ZNF837: variants seen among roughly 807,000 people sequenced by gnomAD.
ZNF837 encodes zinc finger protein 837.
For synonymous variants in ZNF837, 475 were observed against 365.2 expected (o/e 1.30, Z -3.43); for missense variants, 955 against 801.7 (o/e 1.19, Z -2.31).
Position 58,369,202 on chromosome 19 carries a change from G to A in ZNF837, c.131C>T (p.Pro44Leu). The A allele has an allele frequency of 6.9e-7, 1 of 1,447,332 alleles. No individual in the cohort carries two copies. Among genetic ancestry groups the A allele is most frequent in the Middle Eastern group, 1.9e-4 (1 of 5,164 alleles). The allele number at this position is 1,447,332 out of a possible 1,614,324, so 89.7% of individuals were successfully genotyped here. The change falls in exon 3 of 3, where the codon CCC (proline) becomes CTC (leucine). Residue 44 changes from proline (P) to leucine (L), a missense_variant. Transcript: ENST00000597582. Reference sequence around the variant, plus strand: ...TCCACGCAGGTCCCCCTTTTGAGTGGGGCGGCTCCCAGCTCGGTCCTCTTC... The same window carrying A: ...TCCACGCAGGTCCCCCTTTTGAGTGAGGCGGCTCCCAGCTCGGTCCTCTTC... ...PLEEDRAGSR[P>L]TQKGDLRGAA...
chr19:58,374,832 A>T (rs1371634263), intron 1 of ZNF837, among the ~76,000 whole-genome samples: 1 of 148,468 alleles, frequency 6.7e-6, no homozygotes, highest in African/African-American at 2.5e-5. Flanking sequence ...TACTTGGGAG[A>T]CTGAGGCAGA....
rs115715001 is a variant in ZNF837 at position 58,368,724 on chromosome 19, G to A, written c.609C>T (p.Gly203=). The A allele has an allele frequency of 2.5e-3, 3,794 of 1,536,284 alleles. 88 individuals are homozygous for A. In the African/African-American group the frequency reaches 0.045, roughly 18 times the overall value. The change falls in exon 3 of 3, where the codon GGC becomes GGT. Residue 203 remains glycine (G), a synonymous_variant. Coordinates refer to ENST00000597582, the MANE Select transcript of ZNF837 (RefSeq NM_138466.2). ...GCAGGGCCCTCCACGCAAAGGCCTCGCCGCACGCGCAAGCCCGGGGCTGCT... is the reference window on the plus strand; with the variant it reads ...GCAGGGCCCTCCACGCAAAGGCCTCACCGCACGCGCAAGCCCGGGGCTGCT... ...LVEQPRACAC[G]EAFAWRALRI...
At chr19:58,376,091 G>T (rs2052243059) in intron 1 of ZNF837, among the ~76,000 whole-genome samples, 1 of 151,676 alleles carries the variant, frequency 6.6e-6, no homozygotes, top group South Asian at 2.1e-4. Flanking sequence ...GCTAATTTTT[G>T]TATTTTCAGT....
intron 1 of ZNF837, among the ~76,000 whole-genome samples, chr19:58,371,985 C>T (rs1326091114): frequency 3.3e-5 from 5 of 151,914 alleles, no homozygotes; most frequent in African/African-American, 9.7e-5. Context: ...CCTCCCAAAG[C>T]GCTGGGATTA....
At chr19:58,370,575 C>T (rs1019021170) in intron 1 of ZNF837, among the ~76,000 whole-genome samples, 3 of 152,174 alleles carry the variant, frequency 2.0e-5, no homozygotes, top group African/African-American at 4.8e-5. Context: ...ATATTCATCT[C>T]CTAAGCAAGC....
At chr19:58,380,780 C>T (rs1474879484) in intron 1 of ZNF837, among the ~76,000 whole-genome samples, 161 bp downstream of exon 1, 1 of 152,216 alleles carries the variant, frequency 6.6e-6, no homozygotes, top group Non-Finnish European at 1.5e-5. Flanking sequence ...TGTGGCCGGT[C>T]CGGACCCGGA....
chr19:58,371,706 C>A (rs2122123179), intron 1 of ZNF837, among the ~76,000 whole-genome samples: 1 of 123,220 alleles, frequency 8.1e-6, no homozygotes, highest in East Asian at 2.4e-4. Context: ...GGCAGATATC[C>A]TCTTATTTTA....
chr19:58,367,707 G>A lies in ZNF837; in HGVS notation c.*30C>T, dbSNP rs1473343603. 6.8e-7 allele frequency: 1 copy of A among 1,472,692 alleles called. No individual in the cohort carries two copies. The highest frequency in any genetic ancestry group is 2.6e-5 in the Admixed American group (1 of 38,832). The allele number at this position is 1,472,692 out of a possible 1,614,324, so 91.2% of individuals were successfully genotyped here. On this transcript the variant is annotated 3_prime_UTR_variant, in exon 3 of 3. Transcript: ENST00000597582. ...CCCTCCTCGACGCAGGGTTCGCTTG[G>A]GCGACGCGTCGACTCTCGGCTCCCT...
intron 1 of ZNF837, among the ~76,000 whole-genome samples, chr19:58,380,334 T>C: frequency 6.6e-6 from 1 of 152,180 alleles, no homozygotes; most frequent in South Asian, 2.1e-4. Context: ...TCGCAGGACA[T>C]CCACTGTGTC....
At chr19:58,371,497 TC>T (rs2052201880) in intron 1 of ZNF837, among the ~76,000 whole-genome samples, 1 of 152,168 alleles carries the variant, frequency 6.6e-6, no homozygotes. Flanking sequence ...AATCCTCCTG[TC>T]CCCTCCCTAG....
In ZNF837 at chr19:58,368,063, A is replaced by C; in HGVS notation, c.1270T>G (p.Cys424Gly). Residue 424 changes from cysteine (C) to glycine (G), a missense_variant, in exon 3 of 3, where the codon TGC (cysteine) becomes GGC (glycine). Physicochemically the swap from Cys to Gly is radical, Grantham distance 159. Coordinates refer to ENST00000597582, the MANE Select transcript of ZNF837 (RefSeq NM_138466.2). ...GAGCGGCCCTTGAAGGCCTTTTCGC[A>C]CAGTGGGCACGCGTAGGGCTTGGCG... Reference protein sequence around the residue: ...SSAKPYACPLCEKAFKGRSGL... With the variant: ...SSAKPYACPLGEKAFKGRSGL... 6.5e-7 allele frequency: 1 copy of C among 1,543,878 alleles called. No homozygotes were observed. The highest frequency in any genetic ancestry group is 8.7e-7 in the Non-Finnish European group (1 of 1,148,236).
chr19:58,371,157 T>A (rs1430321141), intron 1 of ZNF837, among the ~76,000 whole-genome samples: 1 of 146,348 alleles, frequency 6.8e-6, no homozygotes, highest in African/African-American at 2.5e-5. Flanking sequence ...AGGAGACTGG[T>A]GTGAACCCGG....
At chr19:58,380,197 A>T (rs928716972) in intron 1 of ZNF837, among the ~76,000 whole-genome samples, 2 of 152,132 alleles carry the variant, frequency 1.3e-5, no homozygotes, top group Non-Finnish European at 2.9e-5. Context: ...CTGTGCACGC[A>T]ATGGGAAGAA....
chr19:58,376,155 G>A (rs900085823), intron 1 of ZNF837, among the ~76,000 whole-genome samples: 7 of 152,032 alleles, frequency 4.6e-5, no homozygotes, highest in Non-Finnish European at 1.0e-4. Context: ...CTGGCCTCAA[G>A]TGATCCCCCT....
intron 1 of ZNF837, among the ~76,000 whole-genome samples, chr19:58,377,155 T>G (rs1431901106): frequency 6.7e-6 from 1 of 148,780 alleles, no homozygotes; most frequent in Non-Finnish European, 1.5e-5. Flanking sequence ...AGGCGGAGGT[T>G]GCAGTGAGCC....
At chr19:58,379,168 G>C (rs927724506) in intron 1 of ZNF837, among the ~76,000 whole-genome samples, 7 of 152,228 alleles carry the variant, frequency 4.6e-5, no homozygotes, top group African/African-American at 1.7e-4. Flanking sequence ...TCTGAACAGA[G>C]GGTTGGGGAA....
Position 58,367,705 on chromosome 19 carries a change from T to C in ZNF837, c.*32A>G. 1 of 1,468,338 alleles carries C rather than the reference T, an allele frequency of 6.8e-7. No individual in the cohort carries two copies. Among genetic ancestry groups the C allele is most frequent in the Non-Finnish European group, 9.0e-7 (1 of 1,116,618 alleles). 91.0% of individuals were successfully genotyped at this position (1,468,338 alleles called of 1,614,324 possible). ...GCCCCTCCTCGACGCAGGGTTCGCT[T>C]GGGCGACGCGTCGACTCTCGGCTCC... On this transcript the variant is annotated 3_prime_UTR_variant, in exon 3 of 3. Transcript: ENST00000597582.
Position 58,375,270 on chromosome 19 carries a change from G to GTATGTA in ZNF837, c.-139-5343_-139-5342insTACATA, listed in dbSNP as rs2052233021. ...GAATCTGTCTCAAAAAAAAAAAAAA[G>GTATGTA]TATATATATATATATATATATATAT... On this transcript the variant is annotated intron_variant, in intron 1 of 2. Transcript: ENST00000597582. 6.6e-4 allele frequency among the ~76,000 whole-genome samples: 23 copies of GTATGTA among 34,870 alleles called. 2 individuals are homozygous for GTATGTA. Among genetic ancestry groups the GTATGTA allele is most frequent in the African/African-American group, 2.1e-3 (22 of 10,368 alleles). 22.9% of individuals were successfully genotyped at this position (34,870 alleles called of 152,430 possible). A position where few individuals can be genotyped will look rare whatever the true frequency, so the allele number is the denominator to read the frequency against.
At chr19:58,372,854 G>A (rs1022983176) in intron 1 of ZNF837, among the ~76,000 whole-genome samples, 25 of 152,220 alleles carry the variant, frequency 1.6e-4, no homozygotes, top group Non-Finnish European at 2.8e-4. Context: ...TGCAGGTCAC[G>A]AAAGGCCTTT....
Sources: gnomAD v4.1 joint callset for allele counts (sites outside exome capture counted in the v4.1 genomes callset) on GRCh38, gnomAD v4.1.1 for gene constraint, MANE v1.5 for transcripts, NCBI Gene and HGNC (gene_info 2026-07-23, HGNC 2026-07-21) for gene names.